RYR3: variants seen among roughly 807,000 people sequenced by gnomAD.
RYR3 encodes brain ryanodine receptor-calcium release channel.
A neutral mutation model predicts 584.3 loss-of-function variants in RYR3; 207 were observed. The ratio of observed to expected loss-of-function variants is 0.35; its 90% CI spans 0.32 to 0.40. The LOEUF (loss-of-function observed/expected upper bound fraction) is 0.40. RYR3 is among the 10% of genes least tolerant of loss of function. The probability of loss-of-function intolerance (pLI) is 1.00; values close to 1 mark genes in which losing one functional copy is unlikely to be tolerated. For missense variants in RYR3, 5,616 were observed against 6,089.2 expected (o/e 0.92, Z 2.59); for synonymous variants, 2,416 against 2,248.5 (o/e 1.07, Z -2.11).
intron 55 of RYR3, among the ~76,000 whole-genome samples, chr15:33,749,578 T>G (rs1326146275): frequency 6.6e-6 from 1 of 152,244 alleles, no homozygotes; most frequent in Non-Finnish European, 1.5e-5. Flanking sequence ...TTTTAGTTTG[T>G]TAAGCTATAG....
rs2075774296 is a variant in RYR3, at chr15:33,799,000, C to T, written c.9831-1770C>T. On this transcript the variant is annotated intron_variant, in intron 67 of 103. Coordinates refer to ENST00000634891, the MANE Select transcript of RYR3 (RefSeq NM_001036.6). ...GGGAACTGGCTTTTGGTAGCTGTTA[C>T]CCTACATGAGGCAAGAGGCATCAGG... 2.0e-5 allele frequency among the ~76,000 whole-genome samples: 3 copies of T among 152,228 alleles called. 1 individual carries two copies. The highest frequency in any genetic ancestry group is 4.1e-4 in the South Asian group (2 of 4,820).
intron 16 of RYR3, among the ~76,000 whole-genome samples, chr15:33,591,525 C>T (rs1320390821): frequency 6.6e-6 from 1 of 152,138 alleles, no homozygotes; most frequent in African/African-American, 2.4e-5. Flanking sequence ...TAATAACACA[C>T]TATGTTAGTA....
At chr15:33,862,940 ATAACT>A (rs1888956976) in intron 102 of RYR3, among the ~76,000 whole-genome samples, 1 of 152,250 alleles carries the variant, frequency 6.6e-6, no homozygotes, top group African/African-American at 2.4e-5. Flanking sequence ...TTTTAAAAAG[ATAACT>A]TTACTGTGCC....
At chr15:33,420,490 A>G (rs2044163500) in intron 1 of RYR3, among the ~76,000 whole-genome samples, 1 of 152,134 alleles carries the variant, frequency 6.6e-6, no homozygotes, top group African/African-American at 2.4e-5. Context: ...TTCCATTCAG[A>G]GTGGAGGTAC....
intron 2 of RYR3, among the ~76,000 whole-genome samples, chr15:33,484,915 C>A (rs1330540010): frequency 6.6e-6 from 1 of 152,098 alleles, no homozygotes; most frequent in Non-Finnish European, 1.5e-5. Context: ...AAGTAATGTT[C>A]AGGAGTTACT....
chr15:33,628,270 A>C (rs1363396949), intron 20 of RYR3, among the ~76,000 whole-genome samples: 1 of 152,164 alleles, frequency 6.6e-6, no homozygotes, highest in Non-Finnish European at 1.5e-5. Flanking sequence ...GGCAATGGTC[A>C]GAGAGACAAC....
At chr15:33,771,878 G>A (rs2073604128) in intron 62 of RYR3, 42 bp from the exon 63 acceptor site, 1 of 1,484,096 alleles carries the variant, frequency 6.7e-7, no homozygotes, top group Admixed American at 1.9e-5. Context: ...TTGGCCAAAA[G>A]TTCAGATTAT....
chr15:33,666,355 G>T (rs2063493796), intron 36 of RYR3, among the ~76,000 whole-genome samples: 1 of 152,096 alleles, frequency 6.6e-6, no homozygotes, highest in South Asian at 2.1e-4. Context: ...CTAAGCTTTT[G>T]CATTTTTAGC....
chr15:33,478,115 G>A (rs1299228750), intron 2 of RYR3, among the ~76,000 whole-genome samples: 1 of 151,720 alleles, frequency 6.6e-6, no homozygotes, highest in Admixed American at 6.6e-5. Flanking sequence ...GGTTGGGGGG[G>A]GTGGTTTGGT....
At position 33,683,583 on chromosome 15, in the gene RYR3, G is replaced by A. The variant is rs531279175; in HGVS notation, c.5861-12635G>A. ...AGCATGATTGACACAGAAGACGGGT[G>A]ATTTCTGCATTTCCAGATGAGGTAC... On this transcript the variant is annotated intron_variant, in intron 38 of 103. Transcript: ENST00000634891. Among the ~76,000 whole-genome samples, 3 of 152,332 alleles carry A rather than the reference G, an allele frequency of 2.0e-5. No individual in the cohort carries two copies. The East Asian group carries it at 5.8e-4, about 29-fold the overall frequency.
intron 1 of RYR3, among the ~76,000 whole-genome samples, chr15:33,414,543 A>T (rs771432699): frequency 2.0e-5 from 3 of 152,176 alleles, no homozygotes; most frequent in Non-Finnish European, 4.4e-5. Context: ...CAATATTTGA[A>T]TCTTGACTCA....
chr15:33,865,276 ATAAAGTCCCCTTTT>A lies in RYR3; in HGVS notation c.*53_*66del, dbSNP rs1047660736. ...TTCTGGACAGTCAACTTCCCATGAA[ATAAAGTCCCCTTTT>A]TACAGTTCTGCAACATATCTGAAAT... On this transcript the variant is annotated 3_prime_UTR_variant, in exon 104 of 104. Coordinates refer to ENST00000634891, the MANE Select transcript of RYR3 (RefSeq NM_001036.6). 5 of 1,336,376 alleles carry A rather than the reference ATAAAGTCCCCTTTT, an allele frequency of 3.7e-6. No individual in the cohort carries two copies. Among genetic ancestry groups the A allele is most frequent in the African/African-American group, 2.9e-5 (2 of 69,180 alleles). The allele number at this position is 1,336,376 out of a possible 1,614,324, so 82.8% of individuals were successfully genotyped here.
At chr15:33,757,994 G>A (rs61234457) in intron 60 of RYR3, among the ~76,000 whole-genome samples, 1,802 of 152,228 alleles carry the variant, frequency 0.012, 41 homozygotes, top group African/African-American at 0.041. Flanking sequence ...CAAGGAGGGC[G>A]AGCCAAAGCA....
chr15:33,840,161 G>T (rs749803730), intron 89 of RYR3, among the ~76,000 whole-genome samples: 1 of 152,330 alleles, frequency 6.6e-6, no homozygotes, highest in South Asian at 2.1e-4. Flanking sequence ...GGTGTCATCT[G>T]AGTCAAGTCC....
At chr15:33,396,380 C>T (rs1441938321) in intron 1 of RYR3, among the ~76,000 whole-genome samples, 1 of 152,152 alleles carries the variant, frequency 6.6e-6, no homozygotes, top group Non-Finnish European at 1.5e-5. Flanking sequence ...CCAACAGTGA[C>T]AATTGTGGTT....
rs1225778165 is a variant in RYR3 at position 33,336,436 on chromosome 15, AAGAAAGAGAG to A, written c.51+25344_51+25353del. Among the ~76,000 whole-genome samples the A allele has an allele frequency of 1.9e-3, 33 of 17,520 alleles. 2 individuals carry two copies. The highest frequency in any genetic ancestry group is 2.5e-3 in the Non-Finnish European group (27 of 10,884). The allele number at this position is 17,520 out of a possible 152,430, so 11.5% of individuals were successfully genotyped here. ...GCGAGACGAAAGAAAGAAAGAAAGA[AAGAAAGAGAG>A]AGAGAGAGAGAGAGAGAGAGAGAGA... is the stretch of plus-strand genomic sequence containing the variant. On this transcript the variant is annotated intron_variant, in intron 1 of 103. Coordinates refer to ENST00000634891, the MANE Select transcript of RYR3 (RefSeq NM_001036.6).
chr15:33,697,805 T>C, intron 39 of RYR3, 77 bp from the exon 40 acceptor site: 1 of 870,482 alleles, frequency 1.1e-6, no homozygotes, highest in South Asian at 1.4e-5. Context: ...TCTCGTGTGT[T>C]TGTGTGTTCT....
intron 19 of RYR3, among the ~76,000 whole-genome samples, chr15:33,620,451 A>G (rs28501179): frequency 0.17 from 26,353 of 152,102 alleles, 2,738 homozygotes; most frequent in Admixed American, 0.25. Context: ...AGTATATACT[A>G]CATAGTTGAC....
At chr15:33,561,112 A>G (rs1595596824) in intron 10 of RYR3, among the ~76,000 whole-genome samples, 2 of 152,376 alleles carry the variant, frequency 1.3e-5, no homozygotes, top group Admixed American at 6.5e-5. Context: ...TCAGCTCTAT[A>G]TATTCTCTCA....
Sources: allele counts gnomAD v4.1 joint callset (sites outside exome capture counted in the v4.1 genomes callset), GRCh38; gene constraint gnomAD v4.1.1; transcripts MANE v1.5; gene names NCBI Gene and HGNC (gene_info 2026-07-23, HGNC 2026-07-21).